Variants in TTC7B observed in about 807,000 individuals in gnomAD.
TTC7B encodes tetratricopeptide repeat protein 7B.
In TTC7B, 28 loss-of-function variants were observed where a neutral mutation model predicts 106.8. The ratio of observed to expected loss-of-function variants is 0.26; its 90% CI spans 0.19 to 0.36. The LOEUF is 0.36. Ranked by LOEUF, TTC7B falls within the 10% of genes least tolerant of loss-of-function variation. The probability of loss-of-function intolerance (pLI) is 1.00; values close to 1 mark genes in which losing one functional copy is unlikely to be tolerated. For synonymous variants in TTC7B, 405 were observed against 430.6 expected, an observed-to-expected ratio of 0.94 and a Z score of 0.74; for missense variants, 862 against 1,076.4, an observed-to-expected ratio of 0.80 and a Z score of 2.79.
chr14:90,653,314 C>T (rs1287150772), intron 12 of TTC7B, among the ~76,000 whole-genome samples: 1 of 152,228 alleles, frequency 6.6e-6, no homozygotes, highest in Non-Finnish European at 1.5e-5. Flanking sequence ...TTTTGACAGC[C>T]TTGCCTTCAG....
At chr14:90,560,328 C>A (rs1890517777) in intron 19 of TTC7B, among the ~76,000 whole-genome samples, 1 of 152,194 alleles carries the variant, frequency 6.6e-6, no homozygotes, top group Non-Finnish European at 1.5e-5. Flanking sequence ...GAGGAAGGGA[C>A]ATACTGGCAT....
At chr14:90,671,091 T>C (rs1310621078) in intron 9 of TTC7B, among the ~76,000 whole-genome samples, 1 of 152,164 alleles carries the variant, frequency 6.6e-6, no homozygotes, top group Non-Finnish European at 1.5e-5. Flanking sequence ...CACTGATACC[T>C]TCTAGAAACC....
At chr14:90,713,350 A>G (rs959477624) in intron 5 of TTC7B, among the ~76,000 whole-genome samples, 16 of 152,206 alleles carry the variant, frequency 1.1e-4, no homozygotes, top group African/African-American at 3.9e-4. Flanking sequence ...TCCTGACCTC[A>G]GGTGATCCGC....
At chr14:90,546,398 G>C (rs1431009442) in intron 19 of TTC7B, among the ~76,000 whole-genome samples, 1 of 152,252 alleles carries the variant, frequency 6.6e-6, no homozygotes, top group African/African-American at 2.4e-5. Flanking sequence ...AACTCCTGAG[G>C]TTGGCATGGA....
intron 19 of TTC7B, among the ~76,000 whole-genome samples, chr14:90,559,154 C>T (rs1233312319): frequency 1.3e-5 from 2 of 152,210 alleles, no homozygotes; most frequent in African/African-American, 2.4e-5. Context: ...CGGGCAAACG[C>T]GGAGCTTGGA....
intron 5 of TTC7B, among the ~76,000 whole-genome samples, chr14:90,706,340 T>A (rs111242328): frequency 0.021 from 3,262 of 152,042 alleles, 118 homozygotes; most frequent in African/African-American, 0.076. Flanking sequence ...TTTTTTTGTA[T>A]TTTTAGTAGA....
chr14:90,765,388 T>C (rs1168732857), intron 3 of TTC7B, among the ~76,000 whole-genome samples: 1 of 152,206 alleles, frequency 6.6e-6, no homozygotes, highest in Non-Finnish European at 1.5e-5. Flanking sequence ...TGAAATTGAT[T>C]GTGGTGATGG....
chr14:90,619,753 T>C (rs1259988594), intron 15 of TTC7B, among the ~76,000 whole-genome samples: 1 of 152,144 alleles, frequency 6.6e-6, no homozygotes, highest in Non-Finnish European at 1.5e-5. Flanking sequence ...TGGATGTGAT[T>C]TTCTTCCTGA....
Position 90,719,381 on chromosome 14 carries a change from TC to T in TTC7B, c.698+10693del, listed in dbSNP as rs549770474. On this transcript the variant is annotated intron_variant, in intron 5 of 19. Coordinates refer to ENST00000328459, the MANE Select transcript of TTC7B (RefSeq NM_001010854.2). ...GTCAATTATGTTACTAGGCAACACT[TC>T]CTATGATAAAAATGGCCCCTGATTG... Among the ~76,000 whole-genome samples, 11 of 152,286 alleles carry T rather than the reference TC, an allele frequency of 7.2e-5. No homozygotes were observed. In the South Asian group the frequency reaches 2.3e-3, roughly 32 times the overall value.
chr14:90,801,318 G>T (rs72695569), intron 1 of TTC7B, among the ~76,000 whole-genome samples: 2 of 151,494 alleles, frequency 1.3e-5, no homozygotes, highest in South Asian at 2.1e-4. Context: ...AAGAGTCCCC[G>T]GAAGGAACGC....
chr14:90,704,407 A>G (rs920857030), intron 5 of TTC7B, among the ~76,000 whole-genome samples: 6 of 152,256 alleles, frequency 3.9e-5, no homozygotes, highest in African/African-American at 1.4e-4. Flanking sequence ...AACAGGGAAC[A>G]TGCCCATGAT....
intron 17 of TTC7B, 92 bp from the exon 18 acceptor site, chr14:90,593,718 A>G: frequency 2.4e-6 from 3 of 1,241,386 alleles, no homozygotes; most frequent in Non-Finnish European, 3.3e-6. Flanking sequence ...CGGAACACAC[A>G]CACCCCTTCC....
intron 15 of TTC7B, among the ~76,000 whole-genome samples, chr14:90,618,737 T>A (rs1893189476): frequency 6.6e-6 from 1 of 152,208 alleles, no homozygotes; most frequent in Non-Finnish European, 1.5e-5. Context: ...CTACTTATGT[T>A]TCTCTGCCGA....
Position 90,807,365 on chromosome 14 carries a change from C to T in TTC7B, c.121+8810G>A, listed in dbSNP as rs73332801. On this transcript the variant is annotated intron_variant, in intron 1 of 19. Coordinates refer to ENST00000328459, the MANE Select transcript of TTC7B (RefSeq NM_001010854.2). This position sits in a 1 kb window ranked among gnomAD's most constrained non-coding sequence, Gnocchi z 4.1. ...ATTCTGTCTCCCACTCGGACAACCACGTCTAAAGTCTGGTCCTAGAACTCC... is the reference window on the plus strand; with the variant it reads ...ATTCTGTCTCCCACTCGGACAACCATGTCTAAAGTCTGGTCCTAGAACTCC... Among the ~76,000 whole-genome samples, 7,323 of 152,236 alleles carry T rather than the reference C, an allele frequency of 0.048. 304 individuals carry two copies. Among genetic ancestry groups the T allele is most frequent in the African/African-American group, 0.11 (4,556 of 41,520 alleles).
At chr14:90,654,520 C>G (rs1254740584) in intron 12 of TTC7B, among the ~76,000 whole-genome samples, 1 of 152,164 alleles carries the variant, frequency 6.6e-6, no homozygotes, top group African/African-American at 2.4e-5. Flanking sequence ...CTGCACTGCA[C>G]ATGTACATAT....
At chr14:90,612,993 G>C (rs190343860) in intron 16 of TTC7B, among the ~76,000 whole-genome samples, 144 of 152,320 alleles carry the variant, frequency 9.5e-4, no homozygotes, top group African/African-American at 3.2e-3. Flanking sequence ...ACAGCGTTCA[G>C]TTACATCCTT....
At chr14:90,604,851 C>T (rs934175016) in intron 17 of TTC7B, among the ~76,000 whole-genome samples, 4 of 152,196 alleles carry the variant, frequency 2.6e-5, no homozygotes, top group African/African-American at 9.7e-5. Flanking sequence ...AGCCGACTTT[C>T]AAAATTTCCG....
Position 90,702,317 on chromosome 14 carries a change from C to T in TTC7B, c.699-6739G>A, listed in dbSNP as rs1035151139. Among the ~76,000 whole-genome samples the T allele has an allele frequency of 2.0e-5, 3 of 152,206 alleles. No homozygotes were observed. The South Asian group carries it at 6.2e-4, about 31-fold the overall frequency. ...TCATTGGGTAACTGTACCCACCTCA[C>T]TGTTGTAAGAATTAAACTAGTCAGT... On this transcript the variant is annotated intron_variant, in intron 5 of 19. Coordinates refer to ENST00000328459, the MANE Select transcript of TTC7B (RefSeq NM_001010854.2).
chr14:90,554,981 G>A (rs1890241785), intron 19 of TTC7B, among the ~76,000 whole-genome samples: 1 of 152,192 alleles, frequency 6.6e-6, no homozygotes, highest in African/African-American at 2.4e-5. Flanking sequence ...TGCCTGGGAG[G>A]TTGTAGTGGT....
Sources: allele counts gnomAD v4.1 joint callset (sites outside exome capture counted in the v4.1 genomes callset), GRCh38; gene constraint gnomAD v4.1.1; non-coding constraint Gnocchi (gnomAD v3.1); transcripts MANE v1.5; gene names NCBI Gene and HGNC (gene_info 2026-07-23, HGNC 2026-07-21).